KCND2: variants seen among roughly 807,000 people sequenced by gnomAD.
KCND2 encodes the protein A-type voltage-gated potassium channel KCND2.
Under a neutral mutation model 54.4 loss-of-function variants are expected in KCND2, and 16 were observed. The ratio of observed to expected loss-of-function variants is 0.29; its 90% CI spans 0.20 to 0.45. The LOEUF (loss-of-function observed/expected upper bound fraction) is 0.45. Ranked by LOEUF, KCND2 falls within the 20% of genes least tolerant of loss-of-function variation. The probability of loss-of-function intolerance (pLI) is 1.00; values close to 1 mark genes in which losing one functional copy is unlikely to be tolerated. For missense variants in KCND2, 486 were observed against 824.2 expected (o/e 0.59, Z 5.02); for synonymous variants, 317 against 310.7 (o/e 1.02, Z -0.21).
chr7:120,730,823 G>A (rs1043709553), intron 1 of KCND2, among the ~76,000 whole-genome samples: 2 of 151,996 alleles, frequency 1.3e-5, no homozygotes, highest in African/African-American at 4.8e-5. Flanking sequence ...TCTCCATATT[G>A]ACACACATAT....
rs1398219983 is a variant in KCND2 at position 120,320,549 on chromosome 7, CAG to C, written c.1115+44803_1115+44804del. Among the ~76,000 whole-genome samples, 11 of 152,250 alleles carry C rather than the reference CAG, an allele frequency of 7.2e-5. No individual in the cohort carries two copies. The East Asian group carries it at 1.2e-3, about 16-fold the overall frequency. On this transcript the variant is annotated intron_variant, in intron 1 of 5. Coordinates refer to ENST00000331113, the MANE Select transcript of KCND2 (RefSeq NM_012281.3). ...GACTTTCACTTTATCCTGTCAAAGA[CAG>C]GGGATCACTAAGGAATTTCAAGACA...
At chr7:120,588,358 T>C (rs551775016) in intron 1 of KCND2, among the ~76,000 whole-genome samples, 11 of 151,938 alleles carry the variant, frequency 7.2e-5, no homozygotes, top group African/African-American at 2.7e-4. Context: ...CCTTGATCAT[T>C]GATTTTTATT....
At chr7:120,538,439 C>A (rs1318609386) in intron 1 of KCND2, among the ~76,000 whole-genome samples, 2 of 152,110 alleles carry the variant, frequency 1.3e-5, no homozygotes, top group African/African-American at 4.8e-5. Flanking sequence ...GTGGTGCTAC[C>A]TGCACCTATA....
intron 1 of KCND2, among the ~76,000 whole-genome samples, chr7:120,404,769 G>C (rs989193464): frequency 1.4e-5 from 1 of 70,812 alleles, no homozygotes; most frequent in Non-Finnish European, 2.7e-5. Context: ...TGATTTTTGG[G>C]GGGGGACCTT....
chr7:120,425,006 A>G (rs1435224253), intron 1 of KCND2, among the ~76,000 whole-genome samples: 1 of 152,246 alleles, frequency 6.6e-6, no homozygotes, highest in Non-Finnish European at 1.5e-5. Flanking sequence ...TAAAAAGGGT[A>G]ACAAATTGAT....
In KCND2 at chr7:120,278,128, A is replaced by G. The variant is rs1403194576; in HGVS notation, c.1115+2381A>G. ...CTTGACAAATCATATGCTTTATAAT[A>G]TAACAGAATTTCATAGAAAAATGTC... On this transcript the variant is annotated intron_variant, in intron 1 of 5. Transcript: ENST00000331113. Among the ~76,000 whole-genome samples, 5 of 152,188 alleles carry G rather than the reference A, an allele frequency of 3.3e-5. No individual in the cohort carries two copies. In the East Asian group the frequency reaches 5.8e-4, roughly 18 times the overall value.
chr7:120,393,995 A>C (rs1188013841), intron 1 of KCND2, among the ~76,000 whole-genome samples: 1 of 152,044 alleles, frequency 6.6e-6, no homozygotes, highest in Non-Finnish European at 1.5e-5. Context: ...CAGGCCGTAA[A>C]TTATGGTTTT....
intron 1 of KCND2, among the ~76,000 whole-genome samples, chr7:120,319,437 A>C (rs937592693): frequency 6.6e-6 from 1 of 152,078 alleles, no homozygotes; most frequent in African/African-American, 2.4e-5. Flanking sequence ...TCTTATTAAC[A>C]TTAGGCACAG....
At chr7:120,684,532 G>A (rs2116594142) in intron 1 of KCND2, among the ~76,000 whole-genome samples, 1 of 152,182 alleles carries the variant, frequency 6.6e-6, no homozygotes, top group East Asian at 1.9e-4. Flanking sequence ...ATAGACTCTG[G>A]GTAGACCTTA....
At chr7:120,446,162 C>T (rs1232956527) in intron 1 of KCND2, among the ~76,000 whole-genome samples, 1 of 152,120 alleles carries the variant, frequency 6.6e-6, no homozygotes, top group Non-Finnish European at 1.5e-5. Flanking sequence ...GCAGTCTGAG[C>T]TTCCCTACCT....
chr7:120,360,656 G>T (rs186102620), intron 1 of KCND2, among the ~76,000 whole-genome samples: 1 of 152,092 alleles, frequency 6.6e-6, no homozygotes, highest in Admixed American at 6.6e-5. Context: ...GAGCAAAGTT[G>T]TATTTTGGGT....
At chr7:120,291,127 T>C (rs1799429364) in intron 1 of KCND2, among the ~76,000 whole-genome samples, 1 of 151,994 alleles carries the variant, frequency 6.6e-6, no homozygotes. Context: ...TATTTGTATT[T>C]TATCTATGTG....
At position 120,486,387 on chromosome 7, in the gene KCND2, C is replaced by T. The variant is rs578118747; in HGVS notation, c.1115+210640C>T. Among the ~76,000 whole-genome samples, 10 of 152,140 alleles carry T rather than the reference C, an allele frequency of 6.6e-5. No homozygotes were observed. The East Asian group carries it at 1.9e-3, about 29-fold the overall frequency. On this transcript the variant is annotated intron_variant, in intron 1 of 5. Coordinates refer to ENST00000331113, the MANE Select transcript of KCND2 (RefSeq NM_012281.3). ...GAGGACGTAAGGTGATTCATGCTGC[C>T]AAACCTTAGAAAAACTCAGGAATTG...
chr7:120,740,617 A>T (rs1403964295), intron 2 of KCND2, among the ~76,000 whole-genome samples: 1 of 152,128 alleles, frequency 6.6e-6, no homozygotes, highest in Admixed American at 6.6e-5. Context: ...GAATATCAGA[A>T]ATCTGGCTAC....
At chr7:120,744,945 A>AT (rs1792987352) in intron 4 of KCND2, among the ~76,000 whole-genome samples, 1 of 152,168 alleles carries the variant, frequency 6.6e-6, no homozygotes, top group Non-Finnish European at 1.5e-5. Flanking sequence ...TTTGTCAAAC[A>AT]TTTTAAAAGC....
chr7:120,603,084 A>AATG (rs1792834765), intron 1 of KCND2, among the ~76,000 whole-genome samples: 1 of 152,200 alleles, frequency 6.6e-6, no homozygotes. Context: ...AAGTAAACGG[A>AATG]ATGAAAAGAT....
Position 120,361,399 on chromosome 7 carries a change from CT to C in KCND2, c.1115+85664del, listed in dbSNP as rs879686467. On this transcript the variant is annotated intron_variant, in intron 1 of 5. Transcript: ENST00000331113. Reference sequence around the variant, plus strand: ...AAGTTCTCTCTCGCTCTCTCTCTCTCTTTTTTTTTTTTCCTAATGAGATAAA... The same window carrying C: ...AAGTTCTCTCTCGCTCTCTCTCTCTCTTTTTTTTTTTCCTAATGAGATAAA... Among the ~76,000 whole-genome samples the C allele has an allele frequency of 5.7e-3, 825 of 145,936 alleles. 4 individuals are homozygous for C. The highest frequency in any genetic ancestry group is 9.4e-3 in the Admixed American group (136 of 14,536).
At chr7:120,481,639 T>G (rs10245507) in intron 1 of KCND2, among the ~76,000 whole-genome samples, 34,434 of 152,032 alleles carry the variant, frequency 0.23, 5,009 homozygotes, top group East Asian at 0.49. Context: ...TGCCCTCCAT[T>G]AGCTCATTGT....
At chr7:120,396,723 T>C (rs1801160572) in intron 1 of KCND2, among the ~76,000 whole-genome samples, 1 of 151,992 alleles carries the variant, frequency 6.6e-6, no homozygotes. Flanking sequence ...TTTCTGTGTG[T>C]TTAAGAAATG....
Sources: gnomAD v4.1 joint callset for allele counts (sites outside exome capture counted in the v4.1 genomes callset) on GRCh38, gnomAD v4.1.1 for gene constraint, MANE v1.5 for transcripts, NCBI Gene and HGNC (gene_info 2026-07-23, HGNC 2026-07-21) for gene names.